The following FRS2 variants were observed in gnomAD, a reference collection of about 807,000 sequenced individuals.
FRS2 encodes fibroblast growth factor receptor substrate 2, also known as FGFR signalling adaptor.
In FRS2, 8 loss-of-function variants were observed where a neutral mutation model predicts 43.9. The ratio of observed to expected loss-of-function variants is 0.18; its 90% CI spans 0.11 to 0.33. FRS2 has a LOEUF of 0.33. Among genes scored for constraint, FRS2 ranks in the 10% least tolerant of loss-of-function variants. The pLI, the probability that FRS2 is intolerant of heterozygous loss-of-function variation, is 1.00. For synonymous variants in FRS2, 219 were observed against 220.3 expected (o/e 0.99, Z 0.05); for missense variants, 534 against 627.6 (o/e 0.85, Z 1.59).
intron 1 of FRS2, among the ~76,000 whole-genome samples, chr12:69,522,692 T>C (rs529091229): frequency 6.6e-6 from 1 of 152,314 alleles, no homozygotes; most frequent in African/African-American, 2.4e-5. Context: ...TTTTAGGTTG[T>C]TTATTTAAGG....
intron 1 of FRS2, among the ~76,000 whole-genome samples, chr12:69,493,663 A>G (rs2120974517): frequency 6.6e-6 from 1 of 152,292 alleles, no homozygotes; most frequent in South Asian, 2.1e-4. Flanking sequence ...GGGGGTTGTG[A>G]TAAGCCGAGA....
At chr12:69,572,038 C>A in intron 7 of FRS2, 80 bp from the exon 8 acceptor site, 1 of 1,031,640 alleles carries the variant, frequency 9.7e-7, no homozygotes, top group Non-Finnish European at 1.5e-6. Context: ...CTATAATCCT[C>A]AGTACAGATT....
chr12:69,552,521 T>G (rs1221952702), intron 3 of FRS2, among the ~76,000 whole-genome samples: 1 of 152,094 alleles, frequency 6.6e-6, no homozygotes, highest in Non-Finnish European at 1.5e-5. Flanking sequence ...ACAGAACTCA[T>G]GAAGTAAAGG....
At chr12:69,519,751 A>T in intron 1 of FRS2, among the ~76,000 whole-genome samples, 1 of 152,144 alleles carries the variant, frequency 6.6e-6, no homozygotes, top group South Asian at 2.1e-4. Context: ...GTTCTTTTTT[A>T]TGACAGTTTA....
intron 3 of FRS2, among the ~76,000 whole-genome samples, chr12:69,558,488 C>T (rs571955300): frequency 6.6e-6 from 1 of 152,254 alleles, no homozygotes; most frequent in South Asian, 2.1e-4. Context: ...CCCATGAACA[C>T]CCTACATTCC....
At chr12:69,475,376 T>C (rs1170365405) in intron 1 of FRS2, among the ~76,000 whole-genome samples, 1 of 152,196 alleles carries the variant, frequency 6.6e-6, no homozygotes, top group Non-Finnish European at 1.5e-5. Context: ...GTTTTGTGTG[T>C]GCTTTGTCTG....
At chr12:69,489,439 GT>G (rs920979722) in intron 1 of FRS2, among the ~76,000 whole-genome samples, 1 of 152,144 alleles carries the variant, frequency 6.6e-6, no homozygotes, top group Non-Finnish European at 1.5e-5. Context: ...GGAGGCTGAG[GT>G]GGGAGGATTG....
At chr12:69,522,224 GTGTGTGTGTGTGTC>G (rs1210549095) in intron 1 of FRS2, among the ~76,000 whole-genome samples, 4 of 139,934 alleles carry the variant, frequency 2.9e-5, no homozygotes, top group Non-Finnish European at 6.6e-5. Flanking sequence ...GTGTGTGTGT[GTGTGTGTGTGTGTC>G]TCTGCCAGGT....
At chr12:69,557,619 T>TGTGTGTGTGTGTGTGCGCGCGCGC (rs1555192498) in intron 3 of FRS2, among the ~76,000 whole-genome samples, 1 of 118,964 alleles carries the variant, frequency 8.4e-6, no homozygotes, top group Non-Finnish European at 1.9e-5. Flanking sequence ...TGTGTGTGTG[T>TGTGTGTGTGTGTGTGCGCGCGCGC]GCGCGCGCGC....
chr12:69,531,647 A>G (rs1177451302), intron 2 of FRS2, among the ~76,000 whole-genome samples: 1 of 145,586 alleles, frequency 6.9e-6, no homozygotes, highest in Non-Finnish European at 1.5e-5. Flanking sequence ...AATGCTTTTT[A>G]CCTTATGTGA....
rs575408435 is a variant in FRS2, at chr12:69,575,017, C to T, written c.*62C>T. The T allele has an allele frequency of 9.3e-7, 1 of 1,078,982 alleles. No homozygotes were observed. Among genetic ancestry groups the T allele is most frequent in the Admixed American group, 2.1e-5 (1 of 47,788 alleles). The allele number at this position is 1,078,982 out of a possible 1,614,324, so 66.8% of individuals were successfully genotyped here. A position where few individuals can be genotyped will look rare whatever the true frequency, so the allele number is the denominator to read the frequency against. On this transcript the variant is annotated 3_prime_UTR_variant, in exon 9 of 9. Coordinates refer to ENST00000549921, the MANE Select transcript of FRS2 (RefSeq NM_001278356.2). ...GTTTTTAAAAATGAAGATGCAAGTG[C>T]TTCATTTTCATTTCTAAACACTAAC...
intron 3 of FRS2, among the ~76,000 whole-genome samples, chr12:69,556,120 C>T (rs192093503): frequency 1.1e-3 from 174 of 152,050 alleles, no homozygotes; most frequent in African/African-American, 4.1e-3. Flanking sequence ...AGGCTGGTCT[C>T]AAAGTCCTGG....
chr12:69,569,145 C>G (rs781715320), intron 5 of FRS2, 49 bp downstream of exon 5: 4 of 1,075,108 alleles, frequency 3.7e-6, no homozygotes, highest in South Asian at 2.7e-5. Flanking sequence ...GTTGGGTGTT[C>G]TTCTTTTATT....
intron 1 of FRS2, among the ~76,000 whole-genome samples, chr12:69,491,270 A>AT (rs1872455284): frequency 1.3e-5 from 2 of 151,848 alleles, no homozygotes; most frequent in Admixed American, 1.3e-4. Context: ...AATTTTTTAT[A>AT]TTTTTTATAA....
chr12:69,551,455 A>G (rs998659421), intron 3 of FRS2, among the ~76,000 whole-genome samples: 4 of 152,240 alleles, frequency 2.6e-5, no homozygotes, highest in Non-Finnish European at 5.9e-5. Flanking sequence ...GGCTCTTCAG[A>G]ATTACCTTCA....
At position 69,571,415 on chromosome 12, in the gene FRS2, A is replaced by G. The variant is rs369236126; in HGVS notation, c.393A>G (p.Arg131=). 6.2e-7 allele frequency: 1 copy of G among 1,612,140 alleles called. No individual in the cohort carries two copies. The highest frequency in any genetic ancestry group is 8.5e-7 in the Non-Finnish European group (1 of 1,179,038). Residue 131 remains arginine (R), a synonymous_variant, in exon 7 of 9, where the codon AGA becomes AGG. Transcript: ENST00000549921. ...NNHQTELEVP[R]TPRTPTTPGF... is the part of the protein sequence containing the mutation. ...ATCAGACAGAATTGGAAGTCCCTAG[A>G]ACACCTCGAACACCTACAAGTAAGT...
intron 1 of FRS2, among the ~76,000 whole-genome samples, chr12:69,505,291 G>C (rs1873823117): frequency 6.6e-6 from 1 of 152,178 alleles, no homozygotes; most frequent in African/African-American, 2.4e-5. Flanking sequence ...AATGTTTTGG[G>C]AATATAGTTC....
intron 1 of FRS2, among the ~76,000 whole-genome samples, chr12:69,503,499 A>G (rs1386137830): frequency 6.6e-6 from 1 of 152,132 alleles, no homozygotes; most frequent in African/African-American, 2.4e-5. Context: ...TCTGCCTACT[A>G]CTGACAGTCC....
At chr12:69,540,178 A>G (rs1274953877) in intron 3 of FRS2, among the ~76,000 whole-genome samples, 3 of 151,860 alleles carry the variant, frequency 2.0e-5, no homozygotes, top group Non-Finnish European at 2.9e-5. Context: ...ACATGAACCC[A>G]GGAGGCAGAG....
Sources: allele counts gnomAD v4.1 joint callset (sites outside exome capture counted in the v4.1 genomes callset), GRCh38; gene constraint gnomAD v4.1.1; transcripts MANE v1.5; gene names NCBI Gene and HGNC (gene_info 2026-07-23, HGNC 2026-07-21).